Variants in TSHZ2 observed in about 807,000 individuals in gnomAD.
The protein encoded by TSHZ2 is teashirt homolog 2.
A neutral mutation model predicts 74.4 loss-of-function variants in TSHZ2; 21 were observed. The ratio of observed to expected loss-of-function variants is 0.28; its 90% CI spans 0.20 to 0.41. The LOEUF (loss-of-function observed/expected upper bound fraction) is 0.41, where lower values mean the gene tolerates loss of function less well. Among genes scored for constraint, TSHZ2 ranks in the 10% least tolerant of loss-of-function variants. The pLI is 1.00. For synonymous variants in TSHZ2, 540 were observed against 515.3 expected (o/e 1.05, Z -0.65); for missense variants, 1,244 against 1,293.5 (o/e 0.96, Z 0.59).
chr20:53,484,666 G>A (rs1019921138), intron 2 of TSHZ2, among the ~76,000 whole-genome samples: 17 of 152,084 alleles, frequency 1.1e-4, no homozygotes, highest in African/African-American at 3.4e-4. Context: ...GATTACAGGC[G>A]TGCACCACCA....
At chr20:53,025,285 G>A (rs184176609) in intron 1 of TSHZ2, among the ~76,000 whole-genome samples, 55 of 152,000 alleles carry the variant, frequency 3.6e-4, no homozygotes, top group African/African-American at 1.3e-3. Flanking sequence ...ATTTAATATG[G>A]TTCATAATTT....
At chr20:53,099,745 C>T (rs1221970427) in intron 1 of TSHZ2, among the ~76,000 whole-genome samples, 3 of 152,130 alleles carry the variant, frequency 2.0e-5, no homozygotes, top group African/African-American at 4.8e-5. Flanking sequence ...CTTGTGAGAC[C>T]TATTCACTAC....
intron 2 of TSHZ2, among the ~76,000 whole-genome samples, chr20:53,464,692 C>T (rs1483320350): frequency 6.6e-6 from 1 of 152,150 alleles, no homozygotes; most frequent in Non-Finnish European, 1.5e-5. Flanking sequence ...TGGTGTCAAA[C>T]TCCTGGGCTC....
chr20:53,247,092 A>G lies in TSHZ2; in HGVS notation c.41-6407A>G, dbSNP rs543456803. Among the ~76,000 whole-genome samples the G allele has an allele frequency of 3.9e-5, 6 of 152,192 alleles. No individual in the cohort carries two copies. In the East Asian group the frequency reaches 9.7e-4, roughly 25 times the overall value. On this transcript the variant is annotated intron_variant, in intron 1 of 2. Coordinates refer to ENST00000371497, the MANE Select transcript of TSHZ2 (RefSeq NM_173485.6). ...AGCAGTGCTTTAAACAAAGAATTCT[A>G]TTTGTTTGGTTCTGACTTTCAGACA...
In TSHZ2 at chr20:53,198,614, A is replaced by AT. The variant is rs1013437974; in HGVS notation, c.41-54876dup. ...TAATTTATAAGCTTTTACCTTCTTG[A>AT]TTTTTTTTTCACTATTTCAAAACTG... On this transcript the variant is annotated intron_variant, in intron 1 of 2. Transcript: ENST00000371497. Among the ~76,000 whole-genome samples, 587 of 151,616 alleles carry AT rather than the reference A, an allele frequency of 3.9e-3. 6 individuals are homozygous for AT. The highest frequency in any genetic ancestry group is 0.012 in the African/African-American group (492 of 41,320).
At chr20:53,311,981 T>A (rs1398292893) in intron 2 of TSHZ2, among the ~76,000 whole-genome samples, 1 of 152,098 alleles carries the variant, frequency 6.6e-6, no homozygotes, top group Non-Finnish European at 1.5e-5. Flanking sequence ...CTCATGAGGC[T>A]GAGGTGGGAG....
At chr20:53,239,278 T>A (rs572227453) in intron 1 of TSHZ2, among the ~76,000 whole-genome samples, 9 of 152,280 alleles carry the variant, frequency 5.9e-5, no homozygotes, top group Admixed American at 1.3e-4. Context: ...AGTGTGTCTC[T>A]AATTTAGTGT....
chr20:53,445,043 C>G (rs1293445582), intron 2 of TSHZ2, among the ~76,000 whole-genome samples: 1 of 152,014 alleles, frequency 6.6e-6, no homozygotes, highest in Non-Finnish European at 1.5e-5. Context: ...ATGCCAGGGC[C>G]TCCCATCCTT....
intron 1 of TSHZ2, among the ~76,000 whole-genome samples, chr20:52,989,052 T>G (rs1327676935): frequency 6.6e-6 from 1 of 151,984 alleles, no homozygotes; most frequent in Non-Finnish European, 1.5e-5. Flanking sequence ...TAGGTGACTC[T>G]TAAATGAGTA....
rs572622054 is a variant in TSHZ2, at chr20:53,370,457, G to A, written c.*8+113886G>A. On this transcript the variant is annotated intron_variant, in intron 2 of 2. Transcript: ENST00000371497. ...TCTCCGTTCATAAATATTAGCAACC[G>A]CTTTAATTAAAAACTAAACAAGGCC... is the stretch of plus-strand genomic sequence containing the variant. 6.6e-5 allele frequency among the ~76,000 whole-genome samples: 10 copies of A among 152,208 alleles called. No homozygotes were observed. The South Asian group carries it at 1.5e-3, about 22-fold the overall frequency.
intron 2 of TSHZ2, among the ~76,000 whole-genome samples, chr20:53,263,958 A>G (rs1035918277): frequency 6.6e-6 from 1 of 152,216 alleles, no homozygotes; most frequent in Non-Finnish European, 1.5e-5. Context: ...GGAGGGTTCC[A>G]GGGATTTGAG....
At chr20:53,426,337 T>C (rs1294471970) in intron 2 of TSHZ2, among the ~76,000 whole-genome samples, 1 of 152,176 alleles carries the variant, frequency 6.6e-6, no homozygotes, top group Non-Finnish European at 1.5e-5. Flanking sequence ...CCTCTCTCCC[T>C]AAGCAGTCAA....
Position 53,272,711 on chromosome 20 carries a change from G to A in TSHZ2, c.*8+16140G>A, listed in dbSNP as rs182111625. On this transcript the variant is annotated intron_variant, in intron 2 of 2. Transcript: ENST00000371497. ...ATGTAAGAAACATTTCCAGCCTGCCGTAGAAAGGACTAACACTCTGCCAGG... is the reference window on the plus strand; with the variant it reads ...ATGTAAGAAACATTTCCAGCCTGCCATAGAAAGGACTAACACTCTGCCAGG... Among the ~76,000 whole-genome samples, 21 of 152,296 alleles carry A rather than the reference G, an allele frequency of 1.4e-4. 1 individual carries two copies. Among genetic ancestry groups the A allele is most frequent in the East Asian group, 5.8e-4 (3 of 5,182 alleles).
At chr20:52,987,467 T>G (rs1303034280) in intron 1 of TSHZ2, among the ~76,000 whole-genome samples, 1 of 150,054 alleles carries the variant, frequency 6.7e-6, no homozygotes, top group Non-Finnish European at 1.5e-5. Flanking sequence ...CCTCTCTCTC[T>G]CTCTTTCTCT....
At chr20:53,401,774 CTTTTTTTTTTTTTT>C (rs59656180) in intron 2 of TSHZ2, among the ~76,000 whole-genome samples, 1 of 94,850 alleles carries the variant, frequency 1.1e-5, no homozygotes, top group Admixed American at 1.2e-4. Context: ...AACACATTTT[CTTTTTTTTTTTTTT>C]TTTTTTTTTC....
intron 1 of TSHZ2, among the ~76,000 whole-genome samples, chr20:52,993,541 G>C (rs1982067382): frequency 6.6e-6 from 1 of 152,162 alleles, no homozygotes; most frequent in Non-Finnish European, 1.5e-5. Context: ...TTTTGAATCT[G>C]CCAGTGCACT....
chr20:52,979,497 G>A (rs961500628), intron 1 of TSHZ2, among the ~76,000 whole-genome samples: 4 of 152,118 alleles, frequency 2.6e-5, no homozygotes, highest in Admixed American at 2.6e-4. Context: ...ATCAGACTGA[G>A]GTCCGTTCAA....
rs559624813 is a variant in TSHZ2, at chr20:53,337,172, A to G, written c.*8+80601A>G. 1.8e-4 allele frequency among the ~76,000 whole-genome samples: 27 copies of G among 152,320 alleles called. No individual in the cohort carries two copies. In the South Asian group the frequency reaches 5.2e-3, roughly 29 times the overall value. Reference sequence around the variant, plus strand: ...ACAGGCAGAATGTCTTCCTCAGGAAAAGCTCCGTTTGGGCCTTATTCAACG... The same window carrying G: ...ACAGGCAGAATGTCTTCCTCAGGAAGAGCTCCGTTTGGGCCTTATTCAACG... On this transcript the variant is annotated intron_variant, in intron 2 of 2. Coordinates refer to ENST00000371497, the MANE Select transcript of TSHZ2 (RefSeq NM_173485.6).
intron 1 of TSHZ2, among the ~76,000 whole-genome samples, chr20:53,004,495 CCTGT>C (rs1568715108): frequency 1.3e-5 from 2 of 152,144 alleles, no homozygotes; most frequent in African/African-American, 4.8e-5. Flanking sequence ...GCCACCTCTT[CCTGT>C]CTTTTTAATT....
Sources: gnomAD v4.1 joint callset for allele counts (sites outside exome capture counted in the v4.1 genomes callset) on GRCh38, gnomAD v4.1.1 for gene constraint, MANE v1.5 for transcripts, NCBI Gene and HGNC (gene_info 2026-07-23, HGNC 2026-07-21) for gene names.